Variants in PLAAT2 observed in about 807,000 individuals in gnomAD.
PLAAT2 encodes phospholipase A and acyltransferase 2, also known as HRAS like suppressor 2.
PLAAT2 carries 12 observed loss-of-function variants against 12.8 expected under a neutral mutation model. The observed-to-expected ratio is 0.94, with a 90% CI of 0.60 to 1.52. The LOEUF (loss-of-function observed/expected upper bound fraction) is 1.52, where lower values mean the gene tolerates loss of function less well. Ranked by LOEUF, PLAAT2 falls within the 40% of genes most tolerant of loss-of-function variation. The pLI is 0.00. For synonymous variants in PLAAT2, 79 were observed against 86.8 expected (o/e 0.91, Z 0.50); for missense variants, 166 against 208.1 (o/e 0.80, Z 1.24).
chr11:63,560,051 A>T (rs1330402885), intron 2 of PLAAT2, 34 bp downstream of exon 2: 1 of 1,428,520 alleles, frequency 7.0e-7, no homozygotes, highest in Non-Finnish European at 9.9e-7. Flanking sequence ...TCTTGATCTT[A>T]ACCCTTGTGC....
Position 63,552,990 on chromosome 11 carries a change from C to T in PLAAT2, c.463G>A (p.Ala155Thr). 6.2e-7 allele frequency: 1 copy of T among 1,613,856 alleles called. No individual in the cohort carries two copies. Among genetic ancestry groups the T allele is most frequent in the African/African-American group, 1.3e-5 (1 of 75,036 alleles). Reference protein sequence around the residue: ...AAASLVGILLARSKRERQ With the variant: ...AAASLVGILLTRSKRERQ ...TATTGCCTTTCCCGCTTGCTTCTGG[C>T]CAGCAGGATCCCCACAAGGCTTGCG... The change falls in exon 4 of 4, where the codon GCC (alanine) becomes ACC (threonine). Residue 155 changes from alanine to threonine, a missense_variant. Coordinates refer to ENST00000255695, the MANE Select transcript of PLAAT2 (RefSeq NM_017878.2).
At chr11:63,558,016 A>G (rs2017480878) in intron 3 of PLAAT2, among the ~76,000 whole-genome samples, 1 of 152,198 alleles carries the variant, frequency 6.6e-6, no homozygotes, top group African/African-American at 2.4e-5. Context: ...CATGGCTGAC[A>G]TGGACTAGAG....
chr11:63,559,866 C>A (rs992291087), intron 2 of PLAAT2, among the ~76,000 whole-genome samples: 1 of 152,100 alleles, frequency 6.6e-6, no homozygotes, highest in Non-Finnish European at 1.5e-5. Flanking sequence ...AGACTGAACC[C>A]CACTCTATAA....
intron 3 of PLAAT2, among the ~76,000 whole-genome samples, chr11:63,553,580 G>T (rs1476983903): frequency 6.6e-6 from 1 of 152,140 alleles, no homozygotes; most frequent in African/African-American, 2.4e-5. Flanking sequence ...AGCCCAGGAG[G>T]CGGAGGTTGC....
intron 1 of PLAAT2, among the ~76,000 whole-genome samples, chr11:63,562,156 C>T (rs187464251): frequency 4.7e-4 from 71 of 152,286 alleles, no homozygotes; most frequent in Admixed American, 3.5e-3. Context: ...TGGAAGAATA[C>T]GCACCAGGTT....
Position 63,558,458 on chromosome 11 carries a change from C to A in PLAAT2, c.321G>T (p.Ser107=). The stretch of plus-strand genomic sequence containing the variant: ...AGTGCTCGCAGTTGTCACTGGTCAG[C>A]GAATAAGGCAACTCCTGCCCCACCA... The part of the protein sequence containing the change: ...EELVGQELPY[S]LTSDNCEHFV... Residue 107 remains serine, a synonymous_variant, in exon 3 of 4, where the codon TCG becomes TCT. Transcript: ENST00000255695. The A allele has an allele frequency of 6.2e-7, 1 of 1,614,198 alleles. No homozygotes were observed. Among genetic ancestry groups the A allele is most frequent in the Non-Finnish European group, 8.5e-7 (1 of 1,180,032 alleles).
upstream of PLAAT2, among the ~76,000 whole-genome samples, chr11:63,564,358 G>A (rs982655444): frequency 4.8e-5 from 6 of 124,314 alleles, no homozygotes; most frequent in Admixed American, 5.8e-4. Context: ...CCGGTCCTGA[G>A]CAAACTGGAC....
intron 3 of PLAAT2, among the ~76,000 whole-genome samples, chr11:63,553,716 C>T (rs2017439667): frequency 6.6e-6 from 1 of 152,138 alleles, no homozygotes; most frequent in Non-Finnish European, 1.5e-5. Flanking sequence ...AGGGGCAGTG[C>T]CCCAATGTTC....
chr11:63,558,714 A>C (rs1208750958), intron 2 of PLAAT2, 54 bp from the exon 3 acceptor site: 15 of 1,594,704 alleles, frequency 9.4e-6, no homozygotes, highest in Non-Finnish European at 1.2e-5. Context: ...TCAGAGCTGG[A>C]AGCCAAGCAG....
At chr11:63,562,910 C>T (rs1333025626) in intron 1 of PLAAT2, among the ~76,000 whole-genome samples, 1 of 152,202 alleles carries the variant, frequency 6.6e-6, no homozygotes, top group Non-Finnish European at 1.5e-5. Context: ...TCCCTGGACC[C>T]TCCCTCCCCA....
chr11:63,558,529 A>C lies in PLAAT2; in HGVS notation c.250T>G (p.Tyr84Asp). 6.2e-7 allele frequency: 1 copy of C among 1,614,236 alleles called. No individual in the cohort carries two copies. The highest frequency in any genetic ancestry group is 8.5e-7 in the Non-Finnish European group (1 of 1,180,042). The change falls in exon 3 of 4, where the codon TAC becomes GAC. Residue 84 changes from tyrosine to aspartate, a missense_variant. Tyr to Asp is a radical substitution (Grantham distance 160). Coordinates refer to ENST00000255695, the MANE Select transcript of PLAAT2 (RefSeq NM_017878.2). ...YRVNNKHDDR[Y>D]TPLPSNKIVK... ...ATTTTGTTGGAAGGCAGTGGTGTGTATCTGTCATCGTGCTTGTTATTGACC... is the reference window on the plus strand; with the variant it reads ...ATTTTGTTGGAAGGCAGTGGTGTGTCTCTGTCATCGTGCTTGTTATTGACC...
chr11:63,562,622 A>G (rs2017528878), intron 1 of PLAAT2, among the ~76,000 whole-genome samples: 1 of 152,178 alleles, frequency 6.6e-6, no homozygotes, highest in African/African-American at 2.4e-5. Context: ...TTACCAGTAT[A>G]TCATTCCTCC....
At chr11:63,556,473 C>G (rs532093504) in intron 3 of PLAAT2, among the ~76,000 whole-genome samples, 1 of 152,060 alleles carries the variant, frequency 6.6e-6, no homozygotes, top group African/African-American at 2.4e-5. Flanking sequence ...CAGCCCACCC[C>G]CAATCCCCTT....
At chr11:63,554,958 G>A (rs11231518) in intron 3 of PLAAT2, among the ~76,000 whole-genome samples, 27,595 of 152,242 alleles carry the variant, frequency 0.18, 3,654 homozygotes, top group East Asian at 0.66. Flanking sequence ...AGCAGGGAAA[G>A]AGCTGAGCTC....
intron 2 of PLAAT2, among the ~76,000 whole-genome samples, chr11:63,559,226 G>A (rs1200296907): frequency 2.6e-5 from 4 of 152,192 alleles, no homozygotes; most frequent in East Asian, 1.9e-4. Context: ...TTGCTTTAGC[G>A]CCGAAATTAC....
At chr11:63,557,714 G>T (rs896266520) in intron 3 of PLAAT2, among the ~76,000 whole-genome samples, 2 of 152,138 alleles carry the variant, frequency 1.3e-5, no homozygotes, top group African/African-American at 4.8e-5. Context: ...CGGCAGCAGG[G>T]TAATAAGACA....
At chr11:63,553,200 G>T in intron 3 of PLAAT2, 135 bp from the exon 4 acceptor site, 1 of 602,564 alleles carries the variant, frequency 1.7e-6, no homozygotes, top group East Asian at 2.9e-5. Context: ...ACAAATATTG[G>T]CTGGGAGAGG....
chr11:63,554,352 G>A (rs969619083), intron 3 of PLAAT2, among the ~76,000 whole-genome samples: 29 of 151,090 alleles, frequency 1.9e-4, no homozygotes, highest in African/African-American at 4.9e-4. Context: ...CGCAAAGGCC[G>A]GGGGGGCGGT....
In PLAAT2 at chr11:63,558,465, G is replaced by A. The variant is rs1291172665; in HGVS notation, c.314C>T (p.Pro105Leu). The change falls in exon 3 of 4, where the codon CCT (proline) becomes CTT (leucine). Residue 105 changes from proline to leucine, a missense_variant. Physicochemically the swap from Pro to Leu is moderately conservative, Grantham distance 98. Transcript: ENST00000255695. The part of the protein sequence containing the change: ...RAEELVGQEL[P>L]YSLTSDNCEH... ...GCAGTTGTCACTGGTCAGCGAATAAGGCAACTCCTGCCCCACCAACTCCTC... is the reference window on the plus strand; with the variant it reads ...GCAGTTGTCACTGGTCAGCGAATAAAGCAACTCCTGCCCCACCAACTCCTC... 3 of 1,614,088 alleles carry A rather than the reference G, an allele frequency of 1.9e-6. No homozygotes were observed. Among genetic ancestry groups the A allele is most frequent in the Non-Finnish European group, 2.5e-6 (3 of 1,180,048 alleles).
Sources: allele counts gnomAD v4.1 joint callset (sites outside exome capture counted in the v4.1 genomes callset), GRCh38; gene constraint gnomAD v4.1.1; transcripts MANE v1.5; gene names NCBI Gene and HGNC (gene_info 2026-07-23, HGNC 2026-07-21).